MCTP1: variants seen among roughly 807,000 people sequenced by gnomAD.
The protein encoded by MCTP1 is multiple C2 and transmembrane domain-containing protein 1.
MCTP1 carries 69 observed loss-of-function variants against 120.6 expected under a neutral mutation model. That is an observed-to-expected ratio of 0.57 (90% CI 0.47 to 0.70). MCTP1 has a LOEUF of 0.70. MCTP1 is among the 30% of genes least tolerant of loss of function. MCTP1 has a pLI of 0.00. For synonymous variants in MCTP1, 529 were observed against 493.1 expected, an observed-to-expected ratio of 1.07 and a Z score of -0.96; for missense variants, 1,203 against 1,248.8, an observed-to-expected ratio of 0.96 and a Z score of 0.55.
intron 1 of MCTP1, among the ~76,000 whole-genome samples, chr5:95,171,028 T>A (rs1747204255): frequency 6.6e-6 from 1 of 152,328 alleles, no homozygotes; most frequent in South Asian, 2.1e-4. Flanking sequence ...CAATTTGGCA[T>A]GTTTTTGCAG....
At chr5:94,865,011 CAT>C (rs1388548472) in intron 17 of MCTP1, among the ~76,000 whole-genome samples, 7 of 152,058 alleles carry the variant, frequency 4.6e-5, no homozygotes, top group Middle Eastern at 6.8e-3. Flanking sequence ...CTGCACCACA[CAT>C]GTCTGTGTTC....
At chr5:94,722,914 A>G (rs1761239587) in intron 19 of MCTP1, among the ~76,000 whole-genome samples, 1 of 152,166 alleles carries the variant, frequency 6.6e-6, no homozygotes, top group South Asian at 2.1e-4. Flanking sequence ...TCTCTAGTTC[A>G]CTTAGTCAGG....
chr5:95,092,852 AT>A (rs1755951200), intron 1 of MCTP1, among the ~76,000 whole-genome samples: 1 of 152,186 alleles, frequency 6.6e-6, no homozygotes, highest in Non-Finnish European at 1.5e-5. Context: ...GGCTCCTCAA[AT>A]TTTTTTAGGC....
intron 1 of MCTP1, among the ~76,000 whole-genome samples, chr5:95,105,480 G>GGGCAC (rs1757016430): frequency 6.6e-6 from 1 of 152,136 alleles, no homozygotes; most frequent in African/African-American, 2.4e-5. Flanking sequence ...CCAAGAATCA[G>GGGCAC]TTTACACATG....
chr5:94,985,173 A>G (rs1830228602), intron 2 of MCTP1, among the ~76,000 whole-genome samples: 1 of 152,160 alleles, frequency 6.6e-6, no homozygotes, highest in South Asian at 2.1e-4. Flanking sequence ...AATGGTGAGA[A>G]CCTGTGATAA....
intron 1 of MCTP1, among the ~76,000 whole-genome samples, chr5:95,168,573 C>T (rs1210952060): frequency 2.0e-5 from 3 of 152,156 alleles, no homozygotes; most frequent in Non-Finnish European, 4.4e-5. Context: ...TCTTTTATTT[C>T]GTTGAGCAGT....
chr5:95,245,280 T>G (rs575803187), intron 1 of MCTP1, among the ~76,000 whole-genome samples: 2 of 152,228 alleles, frequency 1.3e-5, no homozygotes, highest in East Asian at 3.9e-4. Flanking sequence ...CTCCAAAGGA[T>G]CACAGCTCCT....
Position 94,806,981 on chromosome 5 carries a change from AT to A in MCTP1, c.2437-7850del, listed in dbSNP as rs561633708. Among the ~76,000 whole-genome samples, 290 of 152,214 alleles carry A rather than the reference AT, an allele frequency of 1.9e-3. 2 individuals are homozygous for A. Among genetic ancestry groups the A allele is most frequent in the African/African-American group, 6.8e-3 (283 of 41,540 alleles). On this transcript the variant is annotated intron_variant, in intron 17 of 22. Coordinates refer to ENST00000515393, the MANE Select transcript of MCTP1 (RefSeq NM_024717.7). ...TCCTTTTCCTTCCTAATTTCAATTC[AT>A]TTTTTTCTTAAACTTAACACACATT...
chr5:95,088,643 G>A (rs1357921890), intron 1 of MCTP1, among the ~76,000 whole-genome samples: 4 of 152,204 alleles, frequency 2.6e-5, no homozygotes, highest in Admixed American at 2.0e-4. Context: ...ACTACGACTT[G>A]TTTTGTGTAA....
At chr5:94,858,584 A>G (rs1032111678) in intron 17 of MCTP1, among the ~76,000 whole-genome samples, 1 of 151,660 alleles carries the variant, frequency 6.6e-6, no homozygotes, top group Non-Finnish European at 1.5e-5. Context: ...ATTAAGGACA[A>G]TTTAACTTAC....
At chr5:94,747,101 T>C (rs907702294) in intron 19 of MCTP1, among the ~76,000 whole-genome samples, 4 of 152,232 alleles carry the variant, frequency 2.6e-5, no homozygotes, top group Admixed American at 1.3e-4. Context: ...ATCTTCTGCC[T>C]GTACTGGATT....
intron 1 of MCTP1, among the ~76,000 whole-genome samples, chr5:95,116,459 G>A (rs768131362): frequency 2.6e-5 from 4 of 152,102 alleles, no homozygotes; most frequent in Admixed American, 2.0e-4. Flanking sequence ...TTTGAAGTTA[G>A]GTAGCATGAT....
At chr5:95,233,655 A>G (rs758182135) in intron 1 of MCTP1, among the ~76,000 whole-genome samples, 4 of 152,216 alleles carry the variant, frequency 2.6e-5, no homozygotes, top group Non-Finnish European at 5.9e-5. Context: ...TAAATAAATC[A>G]TAAGTCAAAG....
intron 1 of MCTP1, among the ~76,000 whole-genome samples, chr5:95,214,035 GCTT>G (rs1752731296): frequency 6.6e-6 from 1 of 152,244 alleles, no homozygotes; most frequent in South Asian, 2.1e-4. Flanking sequence ...AAACTAAAGA[GCTT>G]CTGCACAGCA....
At chr5:95,134,635 C>G (rs913036911) in intron 1 of MCTP1, among the ~76,000 whole-genome samples, 1 of 152,124 alleles carries the variant, frequency 6.6e-6, no homozygotes, top group African/African-American at 2.4e-5. Context: ...CTTCTTTGCA[C>G]AAAAGCTGGG....
At chr5:95,140,300 G>A (rs912515287) in intron 1 of MCTP1, among the ~76,000 whole-genome samples, 3 of 152,082 alleles carry the variant, frequency 2.0e-5, no homozygotes, top group African/African-American at 7.2e-5. Flanking sequence ...CCGGGACTTT[G>A]CAGCAGGATA....
At chr5:94,822,192 T>C (rs879908993) in intron 17 of MCTP1, among the ~76,000 whole-genome samples, 4 of 152,176 alleles carry the variant, frequency 2.6e-5, no homozygotes, top group Non-Finnish European at 5.9e-5. Flanking sequence ...GTATTTCTCC[T>C]AATACTATCC....
chr5:95,256,694 C>T (rs1757928850), intron 1 of MCTP1, among the ~76,000 whole-genome samples: 2 of 152,142 alleles, frequency 1.3e-5, no homozygotes, highest in African/African-American at 4.8e-5. Flanking sequence ...TGACTAGACT[C>T]TGCCTAATAA....
In MCTP1 at chr5:95,142,480, T is replaced by C. The variant is rs140446153; in HGVS notation, c.721-124996A>G. On this transcript the variant is annotated intron_variant, in intron 1 of 22. Coordinates refer to ENST00000515393, the MANE Select transcript of MCTP1 (RefSeq NM_024717.7). Reference sequence around the variant, plus strand: ...GTTTAGGCCCTATGTCACATTTCCCTGCAGACATATGTGATCAAAGTCTTC... The same window carrying C: ...GTTTAGGCCCTATGTCACATTTCCCCGCAGACATATGTGATCAAAGTCTTC... Among the ~76,000 whole-genome samples the C allele has an allele frequency of 9.9e-3, 1,512 of 152,322 alleles. 15 individuals carry two copies. Among genetic ancestry groups the C allele is most frequent in the Middle Eastern group, 0.027 (8 of 294 alleles).
Sources: allele counts gnomAD v4.1 joint callset (sites outside exome capture counted in the v4.1 genomes callset), GRCh38; gene constraint gnomAD v4.1.1; transcripts MANE v1.5; gene names NCBI Gene and HGNC (gene_info 2026-07-23, HGNC 2026-07-21).